The following TRHDE variants were observed in gnomAD, a reference collection of about 807,000 sequenced individuals.
TRHDE encodes thyrotropin releasing hormone degrading enzyme.
In TRHDE, 72 loss-of-function variants were observed where a neutral mutation model predicts 125.7. That is an observed-to-expected ratio of 0.57 (90% CI 0.47 to 0.70). The LOEUF (loss-of-function observed/expected upper bound fraction) is 0.70. Ranked by LOEUF, TRHDE falls within the 30% of genes least tolerant of loss-of-function variation. The pLI is 0.00. For synonymous variants in TRHDE, 509 were observed against 509.1 expected (o/e 1.00, Z 0.00); for missense variants, 1,110 against 1,327.1 (o/e 0.84, Z 2.54).
chr12:72,642,795 C>T (rs899757367), intron 15 of TRHDE, among the ~76,000 whole-genome samples: 4 of 152,156 alleles, frequency 2.6e-5, no homozygotes, highest in Admixed American at 1.3e-4. Context: ...TATCAAGAGT[C>T]TCACAGGACT....
At chr12:72,244,525 C>G (rs1442350180) in intron 2 of TRHDE, among the ~76,000 whole-genome samples, 2 of 150,428 alleles carry the variant, frequency 1.3e-5, no homozygotes, top group African/African-American at 2.4e-5. Context: ...TAAAATTTTA[C>G]TTTTTTGTTT....
intron 2 of TRHDE, among the ~76,000 whole-genome samples, chr12:72,371,888 G>A (rs946981384): frequency 6.6e-6 from 1 of 152,122 alleles, no homozygotes; most frequent in Non-Finnish European, 1.5e-5. Context: ...ATGATTTATA[G>A]TCCTTTGGGT....
chr12:72,114,508 C>T (rs1592445561), intron 2 of TRHDE, among the ~76,000 whole-genome samples: 2 of 152,056 alleles, frequency 1.3e-5, no homozygotes, highest in Middle Eastern at 6.8e-3. Flanking sequence ...ATTTACTATT[C>T]CATTAAGTGG....
chr12:72,520,462 C>G (rs559734735), intron 6 of TRHDE, among the ~76,000 whole-genome samples: 1 of 152,158 alleles, frequency 6.6e-6, no homozygotes, highest in African/African-American at 2.4e-5. Context: ...TGACCCTTTG[C>G]GCTTCCTGAG....
chr12:72,199,064 GATCTA>G (rs1307958024), intron 2 of TRHDE, among the ~76,000 whole-genome samples: 1 of 152,110 alleles, frequency 6.6e-6, no homozygotes, highest in Non-Finnish European at 1.5e-5. Context: ...CCATCCCTAT[GATCTA>G]ATCATCTCCC....
chr12:72,299,381 G>A (rs1212532496), intron 2 of TRHDE, among the ~76,000 whole-genome samples: 2 of 152,194 alleles, frequency 1.3e-5, no homozygotes, highest in Non-Finnish European at 2.9e-5. Context: ...GACTTGCTGG[G>A]TCTGGGAGAT....
chr12:72,118,076 T>C lies in TRHDE; in HGVS notation n.279+12324T>C, dbSNP rs752851465. 9.2e-5 allele frequency among the ~76,000 whole-genome samples: 14 copies of C among 152,262 alleles called. No homozygotes were observed. The South Asian group carries it at 2.9e-3, about 32-fold the overall frequency. On this transcript the variant is annotated intron_variant and non_coding_transcript_variant, in intron 2 of 4. Coordinates refer to the TRHDE transcript ENST00000548156. ...ATATCCTTTCTTTCTGTTTTCTGAT[T>C]ACTCTAGCTAGGACTTCTAGTACTA...
At chr12:72,525,631 G>GTGTT (rs1427324126) in intron 6 of TRHDE, among the ~76,000 whole-genome samples, 29 of 148,658 alleles carry the variant, frequency 2.0e-4, no homozygotes, top group African/African-American at 7.3e-4. Context: ...GTGTGTGTGT[G>GTGTT]TGTGAGAGAG....
intron 12 of TRHDE, among the ~76,000 whole-genome samples, chr12:72,608,825 A>G (rs1295046344): frequency 1.3e-5 from 2 of 152,110 alleles, no homozygotes; most frequent in African/African-American, 4.8e-5. Context: ...AATTATCCCC[A>G]GTTCTTTTTA....
intron 2 of TRHDE, among the ~76,000 whole-genome samples, chr12:72,206,992 C>A (rs1292485023): frequency 6.6e-6 from 1 of 152,080 alleles, no homozygotes; most frequent in Admixed American, 6.6e-5. Context: ...GAAAATGAGA[C>A]TTTTTACCTT....
intron 3 of TRHDE, among the ~76,000 whole-genome samples, chr12:72,449,566 C>T (rs1336220130): frequency 6.6e-6 from 1 of 151,914 alleles, no homozygotes; most frequent in Non-Finnish European, 1.5e-5. Context: ...ATGCTCTTTT[C>T]AGTGTCTCAT....
At chr12:72,265,517 A>G (rs1014606679) in intron 2 of TRHDE, among the ~76,000 whole-genome samples, 2 of 151,862 alleles carry the variant, frequency 1.3e-5, no homozygotes, top group African/African-American at 4.8e-5. Flanking sequence ...ACATCTCTGT[A>G]TATAAGCAAG....
intron 2 of TRHDE, among the ~76,000 whole-genome samples, chr12:72,362,371 G>A (rs1177876590): frequency 6.7e-6 from 1 of 149,778 alleles, no homozygotes; most frequent in Non-Finnish European, 1.5e-5. Flanking sequence ...CTTTTGAGAA[G>A]TGTCTGTTCA....
intron 2 of TRHDE, among the ~76,000 whole-genome samples, chr12:72,139,915 G>A (rs114920402): frequency 0.035 from 5,368 of 152,154 alleles, 167 homozygotes; most frequent in African/African-American, 0.086. Context: ...GCTGACCAGC[G>A]TTAACATTAA....
At chr12:72,134,924 G>A (rs1875946635) in intron 2 of TRHDE, among the ~76,000 whole-genome samples, 1 of 151,974 alleles carries the variant, frequency 6.6e-6, no homozygotes, top group Non-Finnish European at 1.5e-5. Context: ...ATTATTTCAA[G>A]CCAACAAAAT....
intron 7 of TRHDE, among the ~76,000 whole-genome samples, chr12:72,544,158 C>G (rs1167415983): frequency 6.6e-6 from 1 of 151,444 alleles, no homozygotes; most frequent in African/African-American, 2.4e-5. Context: ...ATCACTCAAA[C>G]TGATTTAGTG....
chr12:72,153,520 C>G (rs1209242719), intron 2 of TRHDE, among the ~76,000 whole-genome samples: 1 of 152,170 alleles, frequency 6.6e-6, no homozygotes, highest in African/African-American at 2.4e-5. Flanking sequence ...CCTGCTTTCT[C>G]TTGTGGACAT....
At chr12:72,208,517 A>T (rs1461553181) in intron 2 of TRHDE, among the ~76,000 whole-genome samples, 1 of 152,202 alleles carries the variant, frequency 6.6e-6, no homozygotes. Context: ...AATGAATGGC[A>T]GTGGCAAACT....
At chr12:72,429,181 C>T (rs1158199443) in intron 3 of TRHDE, among the ~76,000 whole-genome samples, 2 of 151,756 alleles carry the variant, frequency 1.3e-5, no homozygotes, top group African/African-American at 4.8e-5. Context: ...ACATCATACA[C>T]CAGGGCCTGT....
Sources: gnomAD v4.1 joint callset for allele counts (sites outside exome capture counted in the v4.1 genomes callset) on GRCh38, gnomAD v4.1.1 for gene constraint, MANE v1.5 for transcripts, NCBI Gene and HGNC (gene_info 2026-07-23, HGNC 2026-07-21) for gene names.